Variants in VAV2 observed in about 807,000 individuals in gnomAD.
VAV2 encodes vav guanine nucleotide exchange factor 2.
Under a neutral mutation model 132.5 loss-of-function variants are expected in VAV2, and 67 were observed. The ratio of observed to expected loss-of-function variants is 0.51; its 90% confidence interval spans 0.42 to 0.62. The LOEUF (loss-of-function observed/expected upper bound fraction) is 0.62, where lower values mean the gene tolerates loss of function less well. Among genes scored for constraint, VAV2 ranks in the 20% least tolerant of loss-of-function variants. The probability of loss-of-function intolerance (pLI) is 0.00; values close to 1 mark genes in which losing one functional copy is unlikely to be tolerated. For synonymous variants in VAV2, 492 were observed against 443.5 expected (o/e 1.11, Z -1.37); for missense variants, 938 against 1,153.6 (o/e 0.81, Z 2.71).
At position 133,991,771 on chromosome 9, in the gene VAV2, G is replaced by A. The variant is rs1588241338; in HGVS notation, c.204+304C>T. Among the ~76,000 whole-genome samples, 1 of 151,344 alleles carries A rather than the reference G, an allele frequency of 6.6e-6. No individual in the cohort carries two copies. The highest frequency in any genetic ancestry group is 2.4e-5 in the African/African-American group (1 of 41,482). On this transcript the variant is annotated intron_variant, in intron 1 of 29. Transcript: ENST00000371850. The surrounding 1 kb of genome is among the most constrained non-coding windows in gnomAD (Gnocchi z 4.8). ...GGCCACTCGCAGGGCCCCGCAGAGC[G>A]AGCGCAGCGCCGGAGCCTCCCCCAT...
intron 5 of VAV2, among the ~76,000 whole-genome samples, chr9:133,811,162 G>A (rs532192924): frequency 1.4e-4 from 21 of 152,334 alleles, no homozygotes; most frequent in African/African-American, 5.0e-4. Context: ...TTATGGCGGG[G>A]AACAAAACTC....
chr9:133,837,710 A>AT (rs200607206), intron 3 of VAV2, among the ~76,000 whole-genome samples: 14 of 150,464 alleles, frequency 9.3e-5, no homozygotes, highest in African/African-American at 2.9e-4. Flanking sequence ...AAAAAAATAA[A>AT]TTAAAAAAAA....
intron 1 of VAV2, among the ~76,000 whole-genome samples, chr9:133,978,139 A>AGGCAGGGCTG (rs577055218): frequency 1.3e-5 from 2 of 152,272 alleles, no homozygotes; most frequent in Non-Finnish European, 2.9e-5. Flanking sequence ...AGGCCAGGAC[A>AGGCAGGGCTG]GGCAGGGCTG....
chr9:133,891,533 A>G (rs1488999594), intron 2 of VAV2, among the ~76,000 whole-genome samples: 4 of 6,110 alleles, frequency 6.5e-4, no homozygotes, highest in Admixed American at 1.5e-3. Context: ...TGGAGGGGGA[A>G]GGATGGAGAG....
chr9:133,842,298 G>A (rs1326132479), intron 3 of VAV2, among the ~76,000 whole-genome samples: 1 of 152,222 alleles, frequency 6.6e-6, no homozygotes, highest in East Asian at 1.9e-4. Context: ...GACTGCCAAG[G>A]ACCGTGTTCA....
chr9:133,953,472 C>T (rs1009652164), intron 1 of VAV2, among the ~76,000 whole-genome samples: 2 of 152,238 alleles, frequency 1.3e-5, no homozygotes, highest in Admixed American at 6.5e-5. Flanking sequence ...CACCCCGGCT[C>T]GGAGCTGGGA....
chr9:133,900,319 C>T (rs1839391842), intron 2 of VAV2, among the ~76,000 whole-genome samples: 1 of 152,300 alleles, frequency 6.6e-6, no homozygotes, highest in East Asian at 1.9e-4. Flanking sequence ...GAAAACACTC[C>T]AACATGAAGG....
intron 2 of VAV2, among the ~76,000 whole-genome samples, chr9:133,917,437 C>CTTTT (rs1196428348): frequency 4.1e-5 from 2 of 49,014 alleles, no homozygotes; most frequent in African/African-American, 2.1e-4. Flanking sequence ...ACAGAAAACT[C>CTTTT]TTTCTTTTTT....
At chr9:133,775,833 G>A (rs146320234) in intron 24 of VAV2, among the ~76,000 whole-genome samples, 195 bp downstream of exon 24, 106 of 152,368 alleles carry the variant, frequency 7.0e-4, no homozygotes, top group African/African-American at 2.5e-3. Flanking sequence ...ACTCCCCCAG[G>A]CTCCTGGAGA....
Position 133,788,218 on chromosome 9 carries a change from A to G in VAV2, c.1407+136T>C, listed in dbSNP as rs977230268. On this transcript the variant is annotated intron_variant, in intron 15 of 29. Coordinates refer to ENST00000371850, the MANE Select transcript of VAV2 (RefSeq NM_001134398.2). This position sits in a 1 kb window ranked among gnomAD's most constrained non-coding sequence, Gnocchi z 5.3. ...AGAGAGGAGCCTTCCTGCAGAGCGG[A>G]GACGCCCACCCCAACCCACCCGGCC... 6 of 1,102,046 alleles carry G rather than the reference A, an allele frequency of 5.4e-6. No homozygotes were observed. In the African/African-American group the frequency reaches 9.3e-5, roughly 17 times the overall value. The allele number at this position is 1,102,046 out of a possible 1,614,324, so 68.3% of individuals were successfully genotyped here. A position where few individuals can be genotyped will look rare whatever the true frequency, so the allele number is the denominator to read the frequency against.
chr9:133,841,414 G>A (rs913491141), intron 3 of VAV2, among the ~76,000 whole-genome samples: 5 of 151,990 alleles, frequency 3.3e-5, no homozygotes, highest in Non-Finnish European at 7.4e-5. Flanking sequence ...TGCAGAGCTC[G>A]TGGCCACTCC....
chr9:133,809,132 C>T lies in VAV2; in HGVS notation c.574G>A (p.Gly192Ser). ...TTCCTCTTGTCATCTTCAGTCATGC[C>T]CATTTTCTAGAGGAGGGAAGGGGGA... is the stretch of plus-strand genomic sequence containing the variant. ...QPMIRYMQKMGMTEDDKRNCC... is the reference protein window; with the variant it reads ...QPMIRYMQKMSMTEDDKRNCC... The change falls in exon 7 of 30, where the codon GGC becomes AGC. Residue 192 changes from glycine (G) to serine (S), a missense_variant. Physicochemically the swap from Gly to Ser is moderately conservative, Grantham distance 56. Coordinates refer to ENST00000371850, the MANE Select transcript of VAV2 (RefSeq NM_001134398.2). 2 of 1,613,766 alleles carry T rather than the reference C, an allele frequency of 1.2e-6. No homozygotes were observed. Among genetic ancestry groups the T allele is most frequent in the Non-Finnish European group, 8.5e-7 (1 of 1,179,878 alleles).
rs902147603 is a variant in VAV2, at chr9:133,883,233, C to T, written c.322-21801G>A. On this transcript the variant is annotated intron_variant, in intron 2 of 29. Coordinates refer to ENST00000371850, the MANE Select transcript of VAV2 (RefSeq NM_001134398.2). This position sits in a 1 kb window ranked among gnomAD's most constrained non-coding sequence, Gnocchi z 4.2. ...GGCCCTTCATCATTTGCTCATTTCA[C>T]GTTCCCCTAATCATGCGAAGAGCCC... 1.3e-5 allele frequency among the ~76,000 whole-genome samples: 2 copies of T among 152,258 alleles called. No individual in the cohort carries two copies. Among genetic ancestry groups the T allele is most frequent in the Admixed American group, 6.5e-5 (1 of 15,292 alleles).
rs1841962190 is a variant in VAV2 at position 133,961,433 on chromosome 9, T to G, written c.205-22214A>C. Among the ~76,000 whole-genome samples, 4 of 152,174 alleles carry G rather than the reference T, an allele frequency of 2.6e-5. No individual in the cohort carries two copies. Among genetic ancestry groups the G allele is most frequent in the Non-Finnish European group, 4.4e-5 (3 of 68,032 alleles). ...AACGGAGGTTGGGAACACCAGCATC[T>G]GGGGCTGCAGACCAGAGGGCCCTGG... On this transcript the variant is annotated intron_variant, in intron 1 of 29. Coordinates refer to ENST00000371850, the MANE Select transcript of VAV2 (RefSeq NM_001134398.2). This position sits in a 1 kb window ranked among gnomAD's most constrained non-coding sequence, Gnocchi z 4.1.
intron 1 of VAV2, among the ~76,000 whole-genome samples, chr9:133,957,281 T>C (rs1841814261): frequency 6.6e-6 from 1 of 151,928 alleles, no homozygotes; most frequent in Non-Finnish European, 1.5e-5. Flanking sequence ...GTTTGTTTTT[T>C]TCTCCCAGTA....
At chr9:133,931,320 C>T (rs1840679516) in intron 2 of VAV2, among the ~76,000 whole-genome samples, 1 of 152,188 alleles carries the variant, frequency 6.6e-6, no homozygotes. Context: ...GAAGCAGCTC[C>T]ACAGCAGCGA....
In VAV2 at chr9:133,802,199, C is replaced by T. The variant is rs1355570761; in HGVS notation, c.836+3882G>A. 6.6e-6 allele frequency among the ~76,000 whole-genome samples: 1 copy of T among 152,102 alleles called. No individual in the cohort carries two copies. Among genetic ancestry groups the T allele is most frequent in the South Asian group, 2.1e-4 (1 of 4,814 alleles). On this transcript the variant is annotated intron_variant, in intron 9 of 29. Coordinates refer to ENST00000371850, the MANE Select transcript of VAV2 (RefSeq NM_001134398.2). This position sits in a 1 kb window ranked among gnomAD's most constrained non-coding sequence, Gnocchi z 5.8. ...GTTAAGGAGGCAAAAGTTTACAGGC[C>T]TTAATTCTAACCACATTTACTACTG... is the stretch of plus-strand genomic sequence containing the variant.
At position 133,883,538 on chromosome 9, in the gene VAV2, C is replaced by A. The variant is rs759854767; in HGVS notation, c.322-22106G>T. ...ACCCTGCAGACTCCCAAGTCATCCC[C>A]AGCCACGGCAGGCAGACAGCCCAGC... is the stretch of plus-strand genomic sequence containing the variant. On this transcript the variant is annotated intron_variant, in intron 2 of 29. Transcript: ENST00000371850. This position sits in a 1 kb window ranked among gnomAD's most constrained non-coding sequence, Gnocchi z 4.2. 6.6e-6 allele frequency among the ~76,000 whole-genome samples: 1 copy of A among 152,156 alleles called. No homozygotes were observed. The highest frequency in any genetic ancestry group is 1.5e-5 in the Non-Finnish European group (1 of 68,022).
intron 3 of VAV2, among the ~76,000 whole-genome samples, chr9:133,852,617 T>C (rs1180073626): frequency 6.6e-6 from 1 of 152,168 alleles, no homozygotes; most frequent in Admixed American, 6.5e-5. Context: ...CCTGCCCCAC[T>C]GCAGAAGCTC....
Sources: gnomAD v4.1 joint callset for allele counts (sites outside exome capture counted in the v4.1 genomes callset) on GRCh38, gnomAD v4.1.1 for gene constraint, Gnocchi (gnomAD v3.1) non-coding constraint, MANE v1.5 for transcripts, NCBI Gene and HGNC (gene_info 2026-07-23, HGNC 2026-07-21) for gene names.